Variants in COL11A2 observed in about 807,000 individuals in gnomAD.
COL11A2 encodes the protein collagen type XI alpha 2 chain, also known as collagen alpha-2(XI) chain.
Under a neutral mutation model 273.4 loss-of-function variants are expected in COL11A2, and 116 were observed. The observed-to-expected ratio is 0.42, with a 90% confidence interval of 0.36 to 0.49. The LOEUF (loss-of-function observed/expected upper bound fraction) is 0.49. Ranked by LOEUF, COL11A2 falls within the 20% of genes least tolerant of loss-of-function variation. COL11A2 has a pLI of 0.00. For synonymous variants in COL11A2, 782 were observed against 864.2 expected (o/e 0.90, Z 1.67); for missense variants, 1,866 against 2,309.0 (o/e 0.81, Z 3.93).
Position 33,167,590 on chromosome 6 carries a change from G to A in COL11A2, c.4015-57C>T. ...GGCAGAGGAGTGGGGTGTGGGCAGG[G>A]GGCAGAGGGTCCAAGGTGGGAGGCA... On this transcript the variant is annotated intron_variant, in intron 55 of 65. Coordinates refer to ENST00000341947, the MANE Select transcript of COL11A2 (RefSeq NM_080680.3). This position sits in a 1 kb window ranked among gnomAD's most constrained non-coding sequence, Gnocchi z 6.1. 1.3e-6 allele frequency: 2 copies of A among 1,591,784 alleles called. No individual in the cohort carries two copies. Among genetic ancestry groups the A allele is most frequent in the East Asian group, 2.3e-5 (1 of 44,308 alleles).
chr6:33,163,628 G>A lies in COL11A2; in HGVS notation c.*50C>T. 1 of 1,612,822 alleles carries A rather than the reference G, an allele frequency of 6.2e-7. No individual in the cohort carries two copies. The highest frequency in any genetic ancestry group is 2.2e-5 in the East Asian group (1 of 44,874). On this transcript the variant is annotated 3_prime_UTR_variant, in exon 66 of 66. Transcript: ENST00000341947. The surrounding 1 kb of genome is among the most constrained non-coding windows in gnomAD (Gnocchi z 4.1). ...AGGTGGCACAGAGCTGATGTTGTGG[G>A]ATTCCAGGTGGGCCTGGTTCCGAAT...
Position 33,177,543 on chromosome 6 carries a change from A to C in COL11A2, c.1918-78T>G, listed in dbSNP as rs1291332980. 15 of 1,589,452 alleles carry C rather than the reference A, an allele frequency of 9.4e-6. No homozygotes were observed. Among genetic ancestry groups the C allele is most frequent in the Non-Finnish European group, 1.3e-5 (15 of 1,160,478 alleles). On this transcript the variant is annotated intron_variant, in intron 22 of 65. Coordinates refer to ENST00000341947, the MANE Select transcript of COL11A2 (RefSeq NM_080680.3). This position sits in a 1 kb window ranked among gnomAD's most constrained non-coding sequence, Gnocchi z 5.9. ...TTAGAGCATGGAGCTGAGTCCCAGC[A>C]GCGATAGCCAAGAAGGCAAGAGCAG...
upstream of COL11A2, chr6:33,193,511 A>G (rs1379955617): frequency 1.4e-5 from 2 of 145,666 alleles, no homozygotes; most frequent in African/African-American, 5.1e-5. Flanking sequence ...GCGTCCAGGG[A>G]TCGCGTCCGG....
chr6:33,175,802 C>G, intron 29 of COL11A2, 121 bp from the exon 30 acceptor site: 1 of 1,105,890 alleles, frequency 9.0e-7, no homozygotes, highest in African/African-American at 1.5e-5. Flanking sequence ...CACTGCAGGA[C>G]AGGAAGCCCA....
At position 33,182,571 on chromosome 6, in the gene COL11A2, C is replaced by T. The variant is rs181643929; in HGVS notation, c.1120-1401G>A. Among the ~76,000 whole-genome samples the T allele has an allele frequency of 3.4e-3, 511 of 149,142 alleles. 2 individuals carry two copies. Among genetic ancestry groups the T allele is most frequent in the African/African-American group, 0.011 (432 of 40,494 alleles). On this transcript the variant is annotated intron_variant, in intron 8 of 65. Transcript: ENST00000341947. The stretch of plus-strand genomic sequence containing the variant: ...ACTAAAAATACAAAAAATAGCCGGG[C>T]GCAGTGGCACATGCCTGTAACCCCA...
rs183536190 is a variant in COL11A2 at position 33,170,105 on chromosome 6, A to G, written c.3583-5T>C. On this transcript the variant is annotated splice_region_variant and splice_polypyrimidine_tract_variant and intron_variant, in intron 48 of 65. Coordinates refer to ENST00000341947, the MANE Select transcript of COL11A2 (RefSeq NM_080680.3). This position sits in a 1 kb window ranked among gnomAD's most constrained non-coding sequence, Gnocchi z 4.3. The stretch of plus-strand genomic sequence containing the variant: ...TCCTGGGGGACCTTGTGGGCCCTGG[A>G]AGAGGAACAGAAATAGGTGTCATTG... 3.5e-4 allele frequency: 559 copies of G among 1,612,910 alleles called. 4 individuals are homozygous for G. In the African/African-American group the frequency reaches 6.9e-3, roughly 20 times the overall value.
chr6:33,177,569 G>A lies in COL11A2; in HGVS notation c.1917+93C>T, dbSNP rs1381643270. On this transcript the variant is annotated intron_variant, in intron 22 of 65. Coordinates refer to ENST00000341947, the MANE Select transcript of COL11A2 (RefSeq NM_080680.3). The surrounding 1 kb of genome is among the most constrained non-coding windows in gnomAD (Gnocchi z 5.9). The stretch of plus-strand genomic sequence containing the variant: ...GCGATAGCCAAGAAGGCAAGAGCAG[G>A]AAGCAGGCAGGGGTCAAAATGGCGG... 1 of 1,587,514 alleles carries A rather than the reference G, an allele frequency of 6.3e-7. No homozygotes were observed. Among genetic ancestry groups the A allele is most frequent in the Non-Finnish European group, 8.6e-7 (1 of 1,158,094 alleles).
At chr6:33,187,612 G>A (rs1274167481) in intron 4 of COL11A2, among the ~76,000 whole-genome samples, 3 of 152,112 alleles carry the variant, frequency 2.0e-5, no homozygotes, top group Non-Finnish European at 4.4e-5. Context: ...ATGTACGTAT[G>A]GGAGGGTGGA....
At chr6:33,191,770 C>T (rs1422463616) in intron 1 of COL11A2, among the ~76,000 whole-genome samples, 1 of 152,182 alleles carries the variant, frequency 6.6e-6, no homozygotes, top group African/African-American at 2.4e-5. Flanking sequence ...CCAGAGATAT[C>T]GACAGAAAGG....
rs1003516815 is a variant in COL11A2, at chr6:33,165,233, C to T, written c.4751-269G>A. On this transcript the variant is annotated intron_variant, in intron 63 of 65. Coordinates refer to ENST00000341947, the MANE Select transcript of COL11A2 (RefSeq NM_080680.3). The surrounding 1 kb of genome is among the most constrained non-coding windows in gnomAD (Gnocchi z 7.7). ...TGGAGGAGGTCCGAGTATGGACAGC[C>T]TCATACTGGGACAACATGTGGTTGC... is the stretch of plus-strand genomic sequence containing the variant. Among the ~76,000 whole-genome samples the T allele has an allele frequency of 9.2e-5, 14 of 152,130 alleles. 1 individual carries two copies. Among genetic ancestry groups the T allele is most frequent in the Non-Finnish European group, 2.9e-5 (2 of 68,004 alleles).
chr6:33,180,415 C>A, intron 11 of COL11A2, 83 bp from the exon 12 acceptor site: 1 of 1,248,132 alleles, frequency 8.0e-7, no homozygotes, highest in East Asian at 2.3e-5. Flanking sequence ...ATATCCTCTT[C>A]AACAGAATAA....
chr6:33,164,927 CCGAGCA>C lies in COL11A2; in HGVS notation c.4782_4787del (p.Cys1594_Arg1596delinsTrp), dbSNP rs760527798. On this transcript the variant is annotated inframe_deletion, in exon 64 of 66. Transcript: ENST00000341947. This position sits in a 1 kb window ranked among gnomAD's most constrained non-coding sequence, Gnocchi z 4.7. Reference sequence around the variant, plus strand: ...AGTTGCAGAAAACTCGGAAGGCATCCCGAGCACAGCCCTGGTTGGGGTCGACCCAGT... The same window carrying C: ...AGTTGCAGAAAACTCGGAAGGCATCCCAGCCCTGGTTGGGGTCGACCCAGT... 1 of 1,580,438 alleles carries C rather than the reference CCGAGCA, an allele frequency of 6.3e-7. No individual in the cohort carries two copies. Among genetic ancestry groups the C allele is most frequent in the South Asian group, 1.2e-5 (1 of 86,398 alleles).
At chr6:33,186,572 G>C in intron 5 of COL11A2, 55 bp downstream of exon 5, 14 of 1,613,690 alleles carry the variant, frequency 8.7e-6, no homozygotes, top group Non-Finnish European at 1.2e-5. Flanking sequence ...GAGATGCCTG[G>C]GTGTCTTCCC....
At chr6:33,168,273 G>GCA (rs563899205) in intron 54 of COL11A2, among the ~76,000 whole-genome samples, 147 of 151,592 alleles carry the variant, frequency 9.7e-4, no homozygotes, top group African/African-American at 3.5e-3. Context: ...ACCAGCTCCT[G>GCA]CACACACACT....
Position 33,176,821 on chromosome 6 carries a change from C to T in COL11A2, c.2071-56G>A. 6.3e-7 allele frequency: 1 copy of T among 1,583,068 alleles called. No individual in the cohort carries two copies. The highest frequency in any genetic ancestry group is 8.6e-7 in the Non-Finnish European group (1 of 1,159,992). On this transcript the variant is annotated intron_variant, in intron 25 of 65. Transcript: ENST00000341947. The surrounding 1 kb of genome is among the most constrained non-coding windows in gnomAD (Gnocchi z 4.9). ...TGGCCCCTGTCACCCTCTCTGCACC[C>T]CTCCCTACACTTCTTCCAACCCAAA... is the stretch of plus-strand genomic sequence containing the variant.
Position 33,166,506 on chromosome 6 carries a change from T to C in COL11A2, c.4392+7A>G. 1 of 1,613,182 alleles carries C rather than the reference T, an allele frequency of 6.2e-7. No individual in the cohort carries two copies. Among genetic ancestry groups the C allele is most frequent in the Non-Finnish European group, 8.5e-7 (1 of 1,179,524 alleles). ...GGATTTTGTGGAGGAACAGAGGCAG[T>C]ACTCACGGGGAGGCCGGGGGGACCT... is the stretch of plus-strand genomic sequence containing the variant. On this transcript the variant is annotated splice_region_variant and intron_variant, in intron 60 of 65. Transcript: ENST00000341947. The surrounding 1 kb of genome is among the most constrained non-coding windows in gnomAD (Gnocchi z 4.8).
rs745434198 is a variant in COL11A2, at chr6:33,165,983, C to A, written c.4430G>T (p.Gly1477Val). The change falls in exon 62 of 66, where the codon GGC becomes GTC. Residue 1477 changes from glycine (G) to valine (V), a missense_variant and splice_region_variant. By Grantham distance (109) the Gly-to-Val change is moderately radical (BLOSUM62 -3). Transcript: ENST00000341947. The surrounding 1 kb of genome is among the most constrained non-coding windows in gnomAD (Gnocchi z 7.7). ...AGPKGAKGATGPGGPKGEKGV... is the reference protein window; with the variant it reads ...AGPKGAKGATVPGGPKGEKGV... The stretch of plus-strand genomic sequence containing the variant: ...CTTCTCTCCCTTGGGTCCGCCTGGG[C>A]CCTGACAAGGAATAAATCAGGTCAT... 6.2e-7 allele frequency: 1 copy of A among 1,613,980 alleles called. No homozygotes were observed.
intron 29 of COL11A2, among the ~76,000 whole-genome samples, 157 bp downstream of exon 29, chr6:33,175,859 C>T (rs1350715505): frequency 6.6e-6 from 1 of 152,120 alleles, no homozygotes; most frequent in African/African-American, 2.4e-5. Flanking sequence ...TGACACAGAC[C>T]ATGGGGCTAT....
In COL11A2 at chr6:33,170,377, T is replaced by G. The variant is rs530771165; in HGVS notation, c.3531A>C (p.Gly1177=). 3 of 1,613,050 alleles carry G rather than the reference T, an allele frequency of 1.9e-6. No individual in the cohort carries two copies. The highest frequency in any genetic ancestry group is 2.5e-6 in the Non-Finnish European group (3 of 1,179,692). The part of the protein sequence containing the change: ...KGETGDVGPM[G]PPGPPGPRGP... ...CTCGAGGTCCTGGGGGGCCAGGTGG[T>G]CCCTGGGGGAAACAGATACACCACA... Residue 1177 remains glycine (G), a splice_region_variant and synonymous_variant, in exon 48 of 66, where the codon GGA becomes GGC. Coordinates refer to ENST00000341947, the MANE Select transcript of COL11A2 (RefSeq NM_080680.3). This position sits in a 1 kb window ranked among gnomAD's most constrained non-coding sequence, Gnocchi z 4.3.
Sources: allele counts gnomAD v4.1 joint callset (sites outside exome capture counted in the v4.1 genomes callset), GRCh38; gene constraint gnomAD v4.1.1; non-coding constraint Gnocchi (gnomAD v3.1); transcripts MANE v1.5; gene names NCBI Gene and HGNC (gene_info 2026-07-23, HGNC 2026-07-21).